Variants in ARHGAP26 observed in about 807,000 individuals in gnomAD.
ARHGAP26 encodes Rho GTPase activating protein 26, also known as rho GTPase-activating protein 26.
Under a neutral mutation model 104.8 loss-of-function variants are expected in ARHGAP26, and 38 were observed. The ratio of observed to expected loss-of-function variants is 0.36; its 90% CI spans 0.28 to 0.48. The LOEUF (loss-of-function observed/expected upper bound fraction) is 0.48, where lower values mean the gene tolerates loss of function less well. ARHGAP26 is among the 20% of genes least tolerant of loss of function. ARHGAP26 has a pLI of 0.99. For missense variants in ARHGAP26, 704 were observed against 947.9 expected (o/e 0.74, Z 3.38); for synonymous variants, 341 against 340.0 (o/e 1.00, Z -0.03).
At chr5:143,016,207 A>G (rs928602477) in intron 12 of ARHGAP26, among the ~76,000 whole-genome samples, 13 of 152,248 alleles carry the variant, frequency 8.5e-5, no homozygotes, top group African/African-American at 2.9e-4. Context: ...AACAACATAC[A>G]TAATAACATG....
intron 20 of ARHGAP26, among the ~76,000 whole-genome samples, chr5:143,174,466 T>C (rs763513968): frequency 6.6e-5 from 10 of 152,208 alleles, no homozygotes; most frequent in Non-Finnish European, 1.3e-4. Context: ...GGAGAAAATA[T>C]GAGAAACTCA....
intron 19 of ARHGAP26, among the ~76,000 whole-genome samples, chr5:143,139,150 A>G (rs1490326010): frequency 6.6e-6 from 1 of 152,222 alleles, no homozygotes. Flanking sequence ...ACAAATGGAT[A>G]CATTTGGTAA....
At chr5:143,090,406 T>C (rs1328712600) in intron 17 of ARHGAP26, among the ~76,000 whole-genome samples, 3 of 152,254 alleles carry the variant, frequency 2.0e-5, no homozygotes, top group Non-Finnish European at 4.4e-5. Context: ...TATCCTGTCT[T>C]AATTGCCAAA....
At chr5:143,085,016 G>C (rs1210130981) in intron 17 of ARHGAP26, among the ~76,000 whole-genome samples, 1 of 134,696 alleles carries the variant, frequency 7.4e-6, no homozygotes, top group East Asian at 2.2e-4. Flanking sequence ...CTGCACTCCA[G>C]CCTGGGCAAC....
At chr5:143,019,152 A>C (rs181638571) in intron 12 of ARHGAP26, among the ~76,000 whole-genome samples, 1 of 152,194 alleles carries the variant, frequency 6.6e-6, no homozygotes, top group Non-Finnish European at 1.5e-5. Context: ...TCAGGAATCT[A>C]TATCAGTGAC....
chr5:142,903,793 A>G, intron 8 of ARHGAP26, 124 bp downstream of exon 8: 4 of 1,011,744 alleles, frequency 4.0e-6, no homozygotes, highest in Non-Finnish European at 5.5e-6. Context: ...ACAATTTTAT[A>G]GTTCACCTTT....
At chr5:143,196,159 A>G (rs1437805435) in intron 20 of ARHGAP26, among the ~76,000 whole-genome samples, 1 of 151,980 alleles carries the variant, frequency 6.6e-6, no homozygotes, top group East Asian at 1.9e-4. Flanking sequence ...ATACTAAATT[A>G]TTATTTAGTA....
At chr5:143,177,492 G>C (rs1269391374) in intron 20 of ARHGAP26, among the ~76,000 whole-genome samples, 2 of 152,204 alleles carry the variant, frequency 1.3e-5, no homozygotes, top group Non-Finnish European at 2.9e-5. Flanking sequence ...TGGCACGTCA[G>C]TAGCAGACAC....
intron 22 of ARHGAP26, among the ~76,000 whole-genome samples, chr5:143,217,393 T>C (rs1159440806): frequency 2.6e-5 from 4 of 152,158 alleles, no homozygotes; most frequent in Non-Finnish European, 5.9e-5. Flanking sequence ...AAACTGTCCA[T>C]TTCAACAAGA....
At chr5:143,022,403 A>G (rs1316075270) in intron 12 of ARHGAP26, among the ~76,000 whole-genome samples, 1 of 152,198 alleles carries the variant, frequency 6.6e-6, no homozygotes, top group African/African-American at 2.4e-5. Context: ...GTTATTGCTT[A>G]GCACAGGGGT....
At chr5:142,870,857 C>T (rs1379447640) in intron 1 of ARHGAP26, among the ~76,000 whole-genome samples, 2 of 152,312 alleles carry the variant, frequency 1.3e-5, no homozygotes, top group South Asian at 4.1e-4. Flanking sequence ...ACCCTGTCAC[C>T]ATCACCCCAT....
At chr5:142,922,421 A>AGTGT (rs3836778) in intron 10 of ARHGAP26, among the ~76,000 whole-genome samples, 4 of 150,442 alleles carry the variant, frequency 2.7e-5, no homozygotes, top group Non-Finnish European at 4.4e-5. Flanking sequence ...TTGACAGAAG[A>AGTGT]GTGTGTGTGT....
chr5:143,169,309 A>G (rs1480234346), intron 20 of ARHGAP26, among the ~76,000 whole-genome samples: 1 of 152,254 alleles, frequency 6.6e-6, no homozygotes, highest in East Asian at 1.9e-4. Context: ...AAGTTAGGCT[A>G]AAATGGAACT....
At chr5:143,062,308 C>T (rs1050438123) in intron 17 of ARHGAP26, among the ~76,000 whole-genome samples, 1 of 152,152 alleles carries the variant, frequency 6.6e-6, no homozygotes, top group Non-Finnish European at 1.5e-5. Context: ...CTTGCTGATT[C>T]CCTATGTGTT....
rs2286013 is a variant in ARHGAP26, at chr5:143,133,958, C to T, written c.1699-9C>T. ...TGTGAGTAACCTTGTTGTGAAACTTCGTTTGCAGATATTTAACACCGTGCC... is the reference window on the plus strand; with the variant it reads ...TGTGAGTAACCTTGTTGTGAAACTTTGTTTGCAGATATTTAACACCGTGCC... On this transcript the variant is annotated splice_polypyrimidine_tract_variant and intron_variant, in intron 18 of 22. Transcript: ENST00000645722. 14,996 of 1,603,984 alleles carry T rather than the reference C, an allele frequency of 9.3e-3. 501 individuals are homozygous for T. The highest frequency in any genetic ancestry group is 0.078 in the African/African-American group (5,865 of 74,798).
At chr5:143,128,163 G>A (rs557654614) in intron 18 of ARHGAP26, among the ~76,000 whole-genome samples, 1 of 152,260 alleles carries the variant, frequency 6.6e-6, no homozygotes, top group African/African-American at 2.4e-5. Context: ...TCATTAATGT[G>A]ATAAGGTAGG....
At chr5:143,177,987 CTTTTTTTTTTTTT>C (rs397705462) in intron 20 of ARHGAP26, among the ~76,000 whole-genome samples, 2,071 of 58,538 alleles carry the variant, frequency 0.035, 83 homozygotes, top group African/African-American at 0.13. Context: ...TGTGGCAGTC[CTTTTTTTTTTTTT>C]TTTTTTTTTT....
chr5:142,773,232 A>G (rs948937040), intron 1 of ARHGAP26, among the ~76,000 whole-genome samples: 1 of 152,234 alleles, frequency 6.6e-6, no homozygotes, highest in African/African-American at 2.4e-5. Flanking sequence ...CTATAAACAG[A>G]AGTGTTTTCC....
chr5:142,955,884 C>CT (rs1769156805), intron 11 of ARHGAP26, among the ~76,000 whole-genome samples: 1 of 152,178 alleles, frequency 6.6e-6, no homozygotes, highest in Non-Finnish European at 1.5e-5. Flanking sequence ...CCTTGTGAAG[C>CT]TTTATGCTTA....
Sources: gnomAD v4.1 joint callset for allele counts (sites outside exome capture counted in the v4.1 genomes callset) on GRCh38, gnomAD v4.1.1 for gene constraint, MANE v1.5 for transcripts, NCBI Gene and HGNC (gene_info 2026-07-23, HGNC 2026-07-21) for gene names.